Variants in HS6ST3 observed in about 807,000 individuals in gnomAD.
HS6ST3 encodes the protein heparan sulfate 6-O-sulfotransferase 3.
In HS6ST3, 12 loss-of-function variants were observed where a neutral mutation model predicts 36.7. The ratio of observed to expected loss-of-function variants is 0.33; its 90% CI spans 0.21 to 0.53. The LOEUF (loss-of-function observed/expected upper bound fraction) is 0.53, where lower values mean the gene tolerates loss of function less well. Among genes scored for constraint, HS6ST3 ranks in the 20% least tolerant of loss-of-function variants. The pLI, the probability that HS6ST3 is intolerant of heterozygous loss-of-function variation, is 0.95. For missense variants in HS6ST3, 584 were observed against 640.9 expected, an observed-to-expected ratio of 0.91 and a Z score of 0.96; for synonymous variants, 240 against 257.5, an observed-to-expected ratio of 0.93 and a Z score of 0.65.
At chr13:96,244,101 G>C (rs1026476171) in intron 1 of HS6ST3, among the ~76,000 whole-genome samples, 1 of 151,934 alleles carries the variant, frequency 6.6e-6, no homozygotes, top group Non-Finnish European at 1.5e-5. Context: ...CTTTAGCATA[G>C]GAGTTTAACC....
intron 1 of HS6ST3, among the ~76,000 whole-genome samples, chr13:96,539,917 C>T (rs2056171317): frequency 1.3e-5 from 2 of 152,210 alleles, no homozygotes; most frequent in Non-Finnish European, 2.9e-5. Context: ...TGGTATTTTC[C>T]TGTAGCCCAG....
At chr13:96,768,885 C>T (rs1244364271) in intron 1 of HS6ST3, among the ~76,000 whole-genome samples, 2 of 152,062 alleles carry the variant, frequency 1.3e-5, no homozygotes, top group African/African-American at 2.4e-5. Context: ...AAGGAGAAAA[C>T]ATCTCCTGCA....
At chr13:96,622,594 A>G (rs1487479776) in intron 1 of HS6ST3, among the ~76,000 whole-genome samples, 1 of 120,864 alleles carries the variant, frequency 8.3e-6, no homozygotes, top group African/African-American at 3.2e-5. Context: ...ATTTGATCAA[A>G]CAGCTTTTAA....
At chr13:96,619,040 C>A (rs2056484667) in intron 1 of HS6ST3, among the ~76,000 whole-genome samples, 1 of 151,276 alleles carries the variant, frequency 6.6e-6, no homozygotes. Context: ...CTTTTTAAAC[C>A]AATGTGAAGT....
At chr13:96,105,863 A>G (rs2053839170) in intron 1 of HS6ST3, among the ~76,000 whole-genome samples, 1 of 152,256 alleles carries the variant, frequency 6.6e-6, no homozygotes, top group Non-Finnish European at 1.5e-5. Context: ...TGAAATCATC[A>G]TTATGTAACT....
intron 1 of HS6ST3, among the ~76,000 whole-genome samples, chr13:96,175,358 G>GTT: frequency 6.7e-6 from 1 of 150,166 alleles, no homozygotes; most frequent in East Asian, 2.0e-4. Context: ...TTTTGTAACA[G>GTT]TTTTTTTTTT....
intron 1 of HS6ST3, among the ~76,000 whole-genome samples, chr13:96,288,160 C>T (rs1365458432): frequency 1.3e-5 from 2 of 152,172 alleles, no homozygotes; most frequent in Admixed American, 1.3e-4. Context: ...TTTTGATCTA[C>T]ACATAAGTTT....
chr13:96,422,898 C>T (rs185427646), intron 1 of HS6ST3, among the ~76,000 whole-genome samples: 1 of 152,320 alleles, frequency 6.6e-6, no homozygotes, highest in African/African-American at 2.4e-5. Context: ...AGTCCTACCA[C>T]TTAGCTTATG....
intron 1 of HS6ST3, among the ~76,000 whole-genome samples, chr13:96,616,047 A>G (rs1218057210): frequency 6.6e-6 from 1 of 152,200 alleles, no homozygotes; most frequent in Non-Finnish European, 1.5e-5. Flanking sequence ...GTGTTTTTCT[A>G]TTTCTGGTTA....
chr13:96,512,234 T>C (rs1163254132), intron 1 of HS6ST3, among the ~76,000 whole-genome samples: 1 of 152,180 alleles, frequency 6.6e-6, no homozygotes, highest in East Asian at 1.9e-4. Context: ...TCTATATAAT[T>C]ATATCTTGAA....
chr13:96,280,618 A>C (rs562259055), intron 1 of HS6ST3, among the ~76,000 whole-genome samples: 5 of 152,308 alleles, frequency 3.3e-5, no homozygotes, highest in African/African-American at 1.2e-4. Flanking sequence ...ATATAAAATG[A>C]GTTATGTTTT....
At chr13:96,622,130 T>A (rs1399113986) in intron 1 of HS6ST3, among the ~76,000 whole-genome samples, 2 of 152,154 alleles carry the variant, frequency 1.3e-5, no homozygotes, top group Non-Finnish European at 2.9e-5. Flanking sequence ...GCACCTGGAT[T>A]TGAAATTGTG....
At chr13:96,221,283 AT>A (rs1223150333) in intron 1 of HS6ST3, among the ~76,000 whole-genome samples, 4 of 152,162 alleles carry the variant, frequency 2.6e-5, no homozygotes, top group Non-Finnish European at 4.4e-5. Flanking sequence ...TATTCAAATT[AT>A]TGGTCAAGGA....
intron 1 of HS6ST3, among the ~76,000 whole-genome samples, chr13:96,494,358 C>T (rs906933192): frequency 7.9e-6 from 1 of 126,658 alleles, no homozygotes; most frequent in Non-Finnish European, 1.5e-5. Context: ...ACAATGGACA[C>T]AGGAAGGGGA....
At chr13:96,274,978 G>A (rs1446908130) in intron 1 of HS6ST3, among the ~76,000 whole-genome samples, 2 of 151,356 alleles carry the variant, frequency 1.3e-5, no homozygotes, top group East Asian at 3.9e-4. Flanking sequence ...TTCAGCGCTG[G>A]GTTTATTTCC....
chr13:96,123,602 T>C (rs184854595), intron 1 of HS6ST3, among the ~76,000 whole-genome samples: 63 of 152,272 alleles, frequency 4.1e-4, no homozygotes, highest in Non-Finnish European at 9.0e-4. Context: ...GCAACACAAA[T>C]GTTAAGAATT....
At chr13:96,569,802 C>T (rs1306771276) in intron 1 of HS6ST3, among the ~76,000 whole-genome samples, 3 of 152,126 alleles carry the variant, frequency 2.0e-5, no homozygotes, top group Admixed American at 1.3e-4. Context: ...AAACCCTGCT[C>T]AGGGTCACTC....
intron 1 of HS6ST3, among the ~76,000 whole-genome samples, chr13:96,622,539 G>A (rs1263205113): frequency 1.3e-5 from 2 of 152,084 alleles, no homozygotes; most frequent in African/African-American, 2.4e-5. Flanking sequence ...GAATATGTGT[G>A]GGCTAACAAC....
chr13:96,209,109 A>G (rs750544830), intron 1 of HS6ST3, among the ~76,000 whole-genome samples: 3 of 152,222 alleles, frequency 2.0e-5, no homozygotes, highest in Non-Finnish European at 4.4e-5. Context: ...TTGAATGCGG[A>G]TTTGACTAGT....
Sources: gnomAD v4.1 joint callset for allele counts (sites outside exome capture counted in the v4.1 genomes callset) on GRCh38, gnomAD v4.1.1 for gene constraint, MANE v1.5 for transcripts, NCBI Gene and HGNC (gene_info 2026-07-23, HGNC 2026-07-21) for gene names.